Variants in TRIM61 observed in about 807,000 individuals in gnomAD.
The protein encoded by TRIM61 is tripartite motif containing 61.
In TRIM61, 1 loss-of-function variant was observed where a neutral mutation model predicts 14.2. The observed-to-expected ratio is 0.07, with a 90% CI of 0.03 to 0.33. The LOEUF (loss-of-function observed/expected upper bound fraction) is 0.33. TRIM61 is among the 10% of genes least tolerant of loss of function. The pLI is 0.99. For missense variants in TRIM61, 19 were observed against 202.2 expected (o/e 0.09, Z 5.49); for synonymous variants, 8 against 71.6 (o/e 0.11, Z 4.49).
intron 3 of TRIM61, among the ~76,000 whole-genome samples, chr4:164,963,635 T>G (rs1251419216): frequency 6.6e-6 from 1 of 151,926 alleles, no homozygotes; most frequent in East Asian, 1.9e-4. Flanking sequence ...TCCCAGCTAT[T>G]TGGGAGGCTG....
Position 164,955,070 on chromosome 4 carries a change from C to T in TRIM61, c.552G>A (p.Leu184=). 5.8e-6 allele frequency: 1 copy of T among 172,616 alleles called. No homozygotes were observed. The highest frequency in any genetic ancestry group is 7.8e-5 in the South Asian group (1 of 12,810). The allele number at this position is 172,616 out of a possible 1,614,324, so 10.7% of individuals were successfully genotyped here. ...GAGCCGAGATCGTGCAACTGCACTC[C>T]AGCCTGGTGACAGAAGGAGACTCCA... The change falls in exon 4 of 5, where the codon CTG becomes CTA. Residue 184 remains leucine, a synonymous_variant. Coordinates refer to ENST00000329314, the MANE Select transcript of TRIM61 (RefSeq NM_001012414.3).
chr4:164,971,212 G>C (rs1375345978), intron 2 of TRIM61, among the ~76,000 whole-genome samples: 2 of 152,188 alleles, frequency 1.3e-5, no homozygotes, highest in Non-Finnish European at 2.9e-5. Flanking sequence ...ACAGTAAGAA[G>C]TAAAATGCCC....
chr4:164,970,825 T>C (rs1370898876), intron 2 of TRIM61, among the ~76,000 whole-genome samples: 1 of 152,080 alleles, frequency 6.6e-6, no homozygotes, highest in Non-Finnish European at 1.5e-5. Flanking sequence ...ACAGGCTGGG[T>C]GTGGTGGCTC....
In TRIM61 at chr4:164,962,535, GC is replaced by G. The variant is rs908185883; in HGVS notation, c.525+6942del. Among the ~76,000 whole-genome samples, 5 of 151,982 alleles carry G rather than the reference GC, an allele frequency of 3.3e-5. No homozygotes were observed. In the East Asian group the frequency reaches 9.7e-4, roughly 29 times the overall value. The stretch of plus-strand genomic sequence containing the variant: ...TGGGATTACAGGCGTGAGCCACTGC[GC>G]CCGGCCTGACAATAGTTACTTCTGT... On this transcript the variant is annotated intron_variant, in intron 3 of 4. Coordinates refer to ENST00000329314, the MANE Select transcript of TRIM61 (RefSeq NM_001012414.3).
intron 3 of TRIM61, chr4:164,969,193 GAATA>G (rs1732304936): frequency 1.6e-6 from 2 of 1,244,690 alleles, no homozygotes; most frequent in Admixed American, 8.2e-5. Flanking sequence ...TTTTTAATTT[GAATA>G]AAAACAGCTC....
At chr4:164,957,242 C>A in intron 3 of TRIM61, 1 of 1,604,332 alleles carries the variant, frequency 6.2e-7, no homozygotes. Context: ...ACAGCGGTCG[C>A]TCCACCAATC....
At chr4:164,957,309 A>T (rs1362961469) in intron 3 of TRIM61, 1 of 1,614,142 alleles carries the variant, frequency 6.2e-7, no homozygotes, top group Non-Finnish European at 8.5e-7. Context: ...TGGTGCCCAG[A>T]GAGGAATTTT....
At chr4:164,957,065 C>A (rs1188621566) in intron 3 of TRIM61, 1 of 1,528,826 alleles carries the variant, frequency 6.5e-7, no homozygotes, top group Non-Finnish European at 8.8e-7. Context: ...TCCTCTTCTC[C>A]CCGGACCCAG....
chr4:164,967,956 A>T (rs1732277219), intron 3 of TRIM61, among the ~76,000 whole-genome samples: 1 of 152,158 alleles, frequency 6.6e-6, no homozygotes, highest in African/African-American at 2.4e-5. Flanking sequence ...GTTCGACACC[A>T]GCCTGACCAA....
intron 3 of TRIM61, among the ~76,000 whole-genome samples, chr4:164,955,568 C>CAAA (rs10716862): frequency 1.1e-3 from 83 of 76,924 alleles, no homozygotes; most frequent in Middle Eastern, 6.8e-3. Context: ...GATTCAGTCT[C>CAAA]AAAAAAAAAA....
chr4:164,964,131 C>T (rs1466736295), intron 3 of TRIM61, among the ~76,000 whole-genome samples: 2 of 151,752 alleles, frequency 1.3e-5, no homozygotes, highest in Non-Finnish European at 2.9e-5. Flanking sequence ...GGGCTGATCA[C>T]GAGGTCAGGA....
chr4:164,963,366 T>A (rs1732174632), intron 3 of TRIM61, among the ~76,000 whole-genome samples: 1 of 152,034 alleles, frequency 6.6e-6, no homozygotes, highest in African/African-American at 2.4e-5. Flanking sequence ...GAACGCAAAA[T>A]AAGCATTCTT....
chr4:164,967,053 TA>T lies in TRIM61; in HGVS notation c.525+2424del, dbSNP rs745993485. 5.9e-5 allele frequency among the ~76,000 whole-genome samples: 9 copies of T among 152,296 alleles called. No homozygotes were observed. In the South Asian group the frequency reaches 1.2e-3, roughly 21 times the overall value. ...CCAATGGAATCTAAACAAGAGCTAC[TA>T]AAAATGAGTTTAGCCAGCTATAGGC... On this transcript the variant is annotated intron_variant, in intron 3 of 4. Coordinates refer to ENST00000329314, the MANE Select transcript of TRIM61 (RefSeq NM_001012414.3).
chr4:164,956,807 C>T, intron 3 of TRIM61: 1 of 545,108 alleles, frequency 1.8e-6, no homozygotes, highest in Admixed American at 3.7e-5. Flanking sequence ...CTTCAGAATG[C>T]AACTTTCTCA....
rs1283475501 is a variant in TRIM61, at chr4:164,970,007, A to G, written c.-5T>C. The G allele has an allele frequency of 3.1e-6, 5 of 1,613,786 alleles. 1 individual carries two copies. The African/African-American group carries it at 6.7e-5, about 22-fold the overall frequency. On this transcript the variant is annotated 5_prime_UTR_variant, in exon 3 of 5. Transcript: ENST00000329314. ...CAGGGCCGTAACAAATTCCATTGAG[A>G]CTTGAACAAAGATGGTAGGTAAGGT...
intron 2 of TRIM61, among the ~76,000 whole-genome samples, chr4:164,974,438 G>A (rs1375168576): frequency 6.6e-6 from 1 of 152,082 alleles, no homozygotes; most frequent in Admixed American, 6.6e-5. Context: ...AGTATTCCTG[G>A]GATGCAGAAC....
intron 3 of TRIM61, chr4:164,959,048 A>T (rs1459526082): frequency 6.0e-6 from 1 of 167,090 alleles, no homozygotes. Flanking sequence ...CAGCTGAGCC[A>T]CTTAGGTGCT....
rs550409777 is a variant in TRIM61, at chr4:164,954,669, C to G, written c.*116G>C. The stretch of plus-strand genomic sequence containing the variant: ...GGTATAGGAACATATACATACCCTA[C>G]ACATGGTTGGCAGCATGGCTATAAT... On this transcript the variant is annotated 3_prime_UTR_variant, in exon 5 of 5. Transcript: ENST00000329314. The G allele has an allele frequency of 6.5e-6, 1 of 152,712 alleles. No individual in the cohort carries two copies. The highest frequency in any genetic ancestry group is 2.4e-5 in the African/African-American group (1 of 41,564). The allele number at this position is 152,712 out of a possible 1,614,324, so 9.5% of individuals were successfully genotyped here.
intron 2 of TRIM61, among the ~76,000 whole-genome samples, chr4:164,972,430 T>C (rs1263979116): frequency 6.6e-6 from 1 of 152,208 alleles, no homozygotes; most frequent in African/African-American, 2.4e-5. Flanking sequence ...TCTTTTTCAA[T>C]CTAGAATAAT....
Sources: allele counts gnomAD v4.1 joint callset (sites outside exome capture counted in the v4.1 genomes callset), GRCh38; gene constraint gnomAD v4.1.1; transcripts MANE v1.5; gene names NCBI Gene and HGNC (gene_info 2026-07-23, HGNC 2026-07-21).